SMARCA4: variants seen among roughly 807,000 people sequenced by gnomAD.
The protein encoded by SMARCA4 is SWI/SNF-related matrix-associated actin-dependent regulator of chromatin subfamily A member 4.
Under a neutral mutation model 193.9 loss-of-function variants are expected in SMARCA4, and 31 were observed. That is an observed-to-expected ratio of 0.16 (90% confidence interval 0.12 to 0.22). SMARCA4 has a LOEUF of 0.22. SMARCA4 is among the 10% of genes least tolerant of loss of function. The pLI, the probability that SMARCA4 is intolerant of heterozygous loss-of-function variation, is 1.00. For synonymous variants in SMARCA4, 942 were observed against 933.1 expected, an observed-to-expected ratio of 1.01 and a Z score of -0.17; for missense variants, 1,148 against 2,296.0, an observed-to-expected ratio of 0.50 and a Z score of 10.22.
In SMARCA4 at chr19:11,010,869, G is replaced by T. The variant is rs1040954536; in HGVS notation, c.2274+338G>T. ...TGCAGCACCTCCTCAGCATCGCACC[G>T]TGTGTAGGACTGAACCAGGGCCGGA... On this transcript the variant is annotated intron_variant, in intron 15 of 34. Transcript: ENST00000344626. The T allele has an allele frequency of 1.3e-5, 5 of 386,136 alleles. No homozygotes were observed. The Admixed American group carries it at 1.8e-4, about 14-fold the overall frequency. The allele number at this position is 386,136 out of a possible 1,614,324, so 23.9% of individuals were successfully genotyped here.
chr19:11,045,090 G>A lies in SMARCA4; in HGVS notation c.4424+3530G>A, dbSNP rs543499171. 9.2e-5 allele frequency among the ~76,000 whole-genome samples: 14 copies of A among 152,356 alleles called. No individual in the cohort carries two copies. The East Asian group carries it at 2.5e-3, about 27-fold the overall frequency. ...AATCCCAGCACTTTGGGAGGCCGAG[G>A]CGGGCGGATCACGAGGTCAGGAGAT... On this transcript the variant is annotated intron_variant, in intron 30 of 34. Coordinates refer to ENST00000344626, the MANE Select transcript of SMARCA4 (RefSeq NM_003072.5).
chr19:11,008,113 A>C (rs2088421228), intron 14 of SMARCA4, 90 bp downstream of exon 14: 1 of 1,333,204 alleles, frequency 7.5e-7, no homozygotes, highest in Non-Finnish European at 1.1e-6. Context: ...TCCCTAGCTG[A>C]CATTCAGCAC....
At chr19:10,973,402 G>A (rs1015292977) in intron 1 of SMARCA4, among the ~76,000 whole-genome samples, 4 of 151,020 alleles carry the variant, frequency 2.6e-5, no homozygotes, top group African/African-American at 9.7e-5. Context: ...CTCTTAAGCG[G>A]TTTTCTTTTT....
chr19:11,025,392 C>A (rs1167479436), intron 21 of SMARCA4, 30 bp from the exon 22 acceptor site: 3 of 1,543,176 alleles, frequency 1.9e-6, no homozygotes, highest in African/African-American at 2.7e-5. Flanking sequence ...GGGCAAGACC[C>A]CATTTGGGTC....
chr19:11,035,409 T>C (rs1025158478), intron 29 of SMARCA4, among the ~76,000 whole-genome samples: 1 of 152,268 alleles, frequency 6.6e-6, no homozygotes, highest in Non-Finnish European at 1.5e-5. Flanking sequence ...AGGGTTTACC[T>C]CTTCCCGAGG....
chr19:11,036,594 A>C (rs921629562), intron 29 of SMARCA4, among the ~76,000 whole-genome samples: 3 of 152,104 alleles, frequency 2.0e-5, no homozygotes, highest in African/African-American at 7.2e-5. Context: ...GTACCTTTTA[A>C]ATTTAAGATC....
At chr19:11,006,092 T>A (rs956118379) in intron 13 of SMARCA4, among the ~76,000 whole-genome samples, 1 of 152,270 alleles carries the variant, frequency 6.6e-6, no homozygotes, top group African/African-American at 2.4e-5. Flanking sequence ...TCCTACTGGC[T>A]TTTCACTGGA....
At chr19:10,988,315 G>A (rs891579172) in intron 6 of SMARCA4, among the ~76,000 whole-genome samples, 2 of 151,984 alleles carry the variant, frequency 1.3e-5, no homozygotes, top group Non-Finnish European at 2.9e-5. Flanking sequence ...TAGAGGCAGG[G>A]TTTCTCCATG....
In SMARCA4 at chr19:10,991,203, C is replaced by A. The variant is rs1405255618; in HGVS notation, c.1299C>A (p.Ala433=). The part of the protein sequence containing the change: ...CMRRDTALET[A]LNAKAYKRSK... Reference sequence around the variant, plus strand: ...GGAGGGACACAGCGCTGGAGACAGCCCTCAATGCTAAGGCCTACAAGCGCA... The same window carrying A: ...GGAGGGACACAGCGCTGGAGACAGCACTCAATGCTAAGGCCTACAAGCGCA... The change falls in exon 8 of 35, where the codon GCC becomes GCA. Residue 433 remains alanine (A), a synonymous_variant. Coordinates refer to ENST00000344626, the MANE Select transcript of SMARCA4 (RefSeq NM_003072.5). 1 of 1,613,956 alleles carries A rather than the reference C, an allele frequency of 6.2e-7. No individual in the cohort carries two copies. Among genetic ancestry groups the A allele is most frequent in the Non-Finnish European group, 8.5e-7 (1 of 1,180,032 alleles).
chr19:11,036,850 T>C lies in SMARCA4; in HGVS notation c.4170+1718T>C, dbSNP rs73013176. ...ACCACTGATGTACTTTCTGTCCATA[T>C]AGTTTTACCTGTTCTGGGCGTTTCC... is the stretch of plus-strand genomic sequence containing the variant. On this transcript the variant is annotated intron_variant, in intron 29 of 34. Coordinates refer to ENST00000344626, the MANE Select transcript of SMARCA4 (RefSeq NM_003072.5). Among the ~76,000 whole-genome samples the C allele has an allele frequency of 7.0e-3, 1,061 of 152,352 alleles. 5 individuals are homozygous for C. Among genetic ancestry groups the C allele is most frequent in the Non-Finnish European group, 0.012 (800 of 68,028 alleles).
At chr19:11,026,497 CTT>C (rs35017701) in intron 23 of SMARCA4, 151 bp downstream of exon 23, 16,243 of 402,084 alleles carry the variant, frequency 0.04, no homozygotes, top group East Asian at 0.084. Context: ...TAATACAAAT[CTT>C]TTTTTTTTTT....
At chr19:11,000,100 G>T (rs942007252) in intron 11 of SMARCA4, among the ~76,000 whole-genome samples, 2 of 151,692 alleles carry the variant, frequency 1.3e-5, no homozygotes, top group Non-Finnish European at 2.9e-5. Context: ...GGGGGCACAC[G>T]CCTGTGGTCC....
At position 10,985,374 on chromosome 19, in the gene SMARCA4, C is replaced by A. The variant is rs2145751914; in HGVS notation, c.324C>A (p.Pro108=). Residue 108 remains proline (P), a synonymous_variant, in exon 3 of 35, where the codon CCC becomes CCA. Coordinates refer to ENST00000344626, the MANE Select transcript of SMARCA4 (RefSeq NM_003072.5). This position sits in a 1 kb window ranked among gnomAD's most constrained non-coding sequence, Gnocchi z 4.5. ...MRSGGHAGMG[P]PPSPMDQHSQ... ...CAGGGGGCCATGCTGGGATGGGGCC[C>A]CCGCCCAGCCCCATGGACCAGCACT... The A allele has an allele frequency of 6.2e-7, 1 of 1,613,924 alleles. No homozygotes were observed. Among genetic ancestry groups the A allele is most frequent in the Non-Finnish European group, 8.5e-7 (1 of 1,179,982 alleles).
intron 30 of SMARCA4, among the ~76,000 whole-genome samples, chr19:11,052,141 G>C (rs1309526354): frequency 1.3e-5 from 2 of 150,970 alleles, no homozygotes; most frequent in Non-Finnish European, 3.0e-5. Context: ...GAGGGATGAA[G>C]TAGAAGATTC....
chr19:10,976,963 A>G (rs752977258), intron 1 of SMARCA4, among the ~76,000 whole-genome samples: 1 of 152,118 alleles, frequency 6.6e-6, no homozygotes, highest in Non-Finnish European at 1.5e-5. Context: ...AGGCTGAGGC[A>G]GGAGAATCGC....
rs1310611235 is a variant in SMARCA4, at chr19:11,058,058, A to T, written c.4425-197A>T. 6.6e-6 allele frequency among the ~76,000 whole-genome samples: 1 copy of T among 151,826 alleles called. No homozygotes were observed. Among genetic ancestry groups the T allele is most frequent in the Non-Finnish European group, 1.5e-5 (1 of 67,986 alleles). On this transcript the variant is annotated intron_variant, in intron 30 of 34. Transcript: ENST00000344626. The surrounding 1 kb of genome is among the most constrained non-coding windows in gnomAD (Gnocchi z 5.8). Reference sequence around the variant, plus strand: ...GAGGTGGAGGTTGCAGTGAGCCGAGATCGCACCATTGCACTCCAGCCTGGG... The same window carrying T: ...GAGGTGGAGGTTGCAGTGAGCCGAGTTCGCACCATTGCACTCCAGCCTGGG...
At position 10,984,107 on chromosome 19, in the gene SMARCA4, G is replaced by A. The variant is rs540927892; in HGVS notation, c.-31-14G>A. 25 of 1,612,614 alleles carry A rather than the reference G, an allele frequency of 1.6e-5. No individual in the cohort carries two copies. In the African/African-American group the frequency reaches 3.1e-4, roughly 20 times the overall value. On this transcript the variant is annotated splice_polypyrimidine_tract_variant and intron_variant, in intron 1 of 34. Transcript: ENST00000344626. This position sits in a 1 kb window ranked among gnomAD's most constrained non-coding sequence, Gnocchi z 4.3. Reference sequence around the variant, plus strand: ...TTGGTCATGAACCCCAGACTGACCAGGACTGTCTTCCAGCAGGAGGCCACT... The same window carrying A: ...TTGGTCATGAACCCCAGACTGACCAAGACTGTCTTCCAGCAGGAGGCCACT...
chr19:10,968,611 T>C (rs545153533), intron 1 of SMARCA4, among the ~76,000 whole-genome samples: 1 of 152,078 alleles, frequency 6.6e-6, no homozygotes, highest in African/African-American at 2.4e-5. Flanking sequence ...ACTTCCTGAC[T>C]AGCTGTGATT....
chr19:11,001,653 T>C (rs1441392117), intron 11 of SMARCA4, among the ~76,000 whole-genome samples: 1 of 145,986 alleles, frequency 6.8e-6, no homozygotes, highest in African/African-American at 2.5e-5. Flanking sequence ...GGGTAAGAGG[T>C]TGCTCTTATG....
Sources: allele counts gnomAD v4.1 joint callset (sites outside exome capture counted in the v4.1 genomes callset), GRCh38; gene constraint gnomAD v4.1.1; non-coding constraint Gnocchi (gnomAD v3.1); transcripts MANE v1.5; gene names NCBI Gene and HGNC (gene_info 2026-07-23, HGNC 2026-07-21).